The following RAD51B variants were observed in gnomAD, a reference collection of about 807,000 sequenced individuals.
RAD51B encodes RAD51 paralog B, also known as DNA repair protein RAD51 homolog 2.
A neutral mutation model predicts 42.2 loss-of-function variants in RAD51B; 38 were observed. That is an observed-to-expected ratio of 0.90 (90% CI 0.70 to 1.18). RAD51B has a LOEUF of 1.18. Among genes scored for constraint, RAD51B ranks in the 50% most tolerant of loss-of-function variants. The pLI, the probability that RAD51B is intolerant of heterozygous loss-of-function variation, is 0.00. For missense variants in RAD51B, 373 were observed against 400.7 expected (o/e 0.93, Z 0.59); for synonymous variants, 154 against 145.2 (o/e 1.06, Z -0.43).
At chr14:68,598,736 G>C (rs1043962858), downstream of RAD51B, among the ~76,000 whole-genome samples, 53 of 152,344 alleles carry the variant, frequency 3.5e-4, no homozygotes, top group Admixed American at 3.1e-3. Context: ...TCCAGAAGAC[G>C]GAGGCGGGGA....
At chr14:68,056,009 G>A (rs1409311749) in intron 7 of RAD51B, among the ~76,000 whole-genome samples, 1 of 152,050 alleles carries the variant, frequency 6.6e-6, no homozygotes, top group South Asian at 2.1e-4. Flanking sequence ...CTTTTTTAGT[G>A]CCCTTGAAAT....
chr14:68,630,224 A>G (rs1177884140), intron 10 of RAD51B, among the ~76,000 whole-genome samples: 1 of 152,184 alleles, frequency 6.6e-6, no homozygotes, highest in East Asian at 1.9e-4. Context: ...CTGGGTTGCT[A>G]AGTGGCAGAG....
intron 7 of RAD51B, among the ~76,000 whole-genome samples, chr14:67,988,748 G>A (rs1345944338): frequency 6.6e-6 from 1 of 152,172 alleles, no homozygotes; most frequent in East Asian, 1.9e-4. Flanking sequence ...TGGCCCTGCA[G>A]TATTAAAAGT....
At chr14:68,197,536 T>G (rs977761328) in intron 7 of RAD51B, among the ~76,000 whole-genome samples, 3 of 152,168 alleles carry the variant, frequency 2.0e-5, no homozygotes, top group African/African-American at 7.2e-5. Flanking sequence ...GGTCAGAGGA[T>G]AGACGAATGT....
At chr14:68,594,647 T>C in exon 11 of RAD51B, 2 of 1,280,228 alleles carry the variant, frequency 1.6e-6, no homozygotes, top group Non-Finnish European at 1.0e-6. Flanking sequence ...CAAGCTGATC[T>C]CAAACTCCTG....
chr14:67,944,991 C>T (rs1002844719), intron 7 of RAD51B, among the ~76,000 whole-genome samples: 1 of 152,152 alleles, frequency 6.6e-6, no homozygotes, highest in African/African-American at 2.4e-5. Context: ...AAGAATCATA[C>T]CTACCTTGAA....
intron 10 of RAD51B, among the ~76,000 whole-genome samples, chr14:68,538,663 A>G (rs1186769735): frequency 6.6e-6 from 1 of 150,772 alleles, no homozygotes; most frequent in Non-Finnish European, 1.5e-5. Flanking sequence ...ATCTTGAATT[A>G]GTTTCTAACA....
intron 7 of RAD51B, among the ~76,000 whole-genome samples, chr14:68,220,148 T>C (rs1440737453): frequency 1.3e-5 from 2 of 152,122 alleles, no homozygotes; most frequent in South Asian, 2.1e-4. Context: ...AAAAGAATTT[T>C]TAAAACTGAA....
chr14:67,962,840 A>G (rs956804793), intron 7 of RAD51B, among the ~76,000 whole-genome samples: 3 of 152,208 alleles, frequency 2.0e-5, no homozygotes, highest in African/African-American at 7.2e-5. Flanking sequence ...ACATCATGGC[A>G]AAGTAAAACA....
At chr14:68,176,555 CATG>C (rs1486165292) in intron 7 of RAD51B, among the ~76,000 whole-genome samples, 13 of 152,166 alleles carry the variant, frequency 8.5e-5, no homozygotes, top group African/African-American at 3.1e-4. Flanking sequence ...AAATGAGGAT[CATG>C]ATGTCTGTCA....
chr14:68,098,583 T>G (rs1309115847), intron 7 of RAD51B, among the ~76,000 whole-genome samples: 1 of 152,092 alleles, frequency 6.6e-6, no homozygotes, highest in East Asian at 1.9e-4. Flanking sequence ...GATGCAAAAG[T>G]GGAAACCCCT....
At chr14:68,414,843 A>AT (rs934597113) in intron 9 of RAD51B, among the ~76,000 whole-genome samples, 1 of 139,600 alleles carries the variant, frequency 7.2e-6, no homozygotes, top group Non-Finnish European at 1.5e-5. Flanking sequence ...CCAACATGGT[A>AT]AAACCCCATC....
intron 7 of RAD51B, among the ~76,000 whole-genome samples, chr14:68,057,624 T>C (rs1267427282): frequency 2.6e-5 from 4 of 152,150 alleles, no homozygotes; most frequent in African/African-American, 9.6e-5. Context: ...GTTCATTTAA[T>C]ACAAAAATGC....
At chr14:67,889,705 C>T (rs938327157) in intron 7 of RAD51B, among the ~76,000 whole-genome samples, 45 of 151,688 alleles carry the variant, frequency 3.0e-4, no homozygotes, top group African/African-American at 2.9e-4. Flanking sequence ...CTTTTTTCTA[C>T]GTTAGTCCCT....
intron 11 of RAD51B, among the ~76,000 whole-genome samples, chr14:68,680,250 G>A (rs938033865): frequency 1.3e-5 from 2 of 152,120 alleles, no homozygotes; most frequent in African/African-American, 4.8e-5. Context: ...AATTTCTGTG[G>A]TGTAAATATT....
At chr14:68,331,367 C>CAAAAAAAAAAAAAA (rs778136542) in intron 8 of RAD51B, among the ~76,000 whole-genome samples, 443 of 32,852 alleles carry the variant, frequency 0.013, 80 homozygotes, top group Non-Finnish European at 0.019. Context: ...GACTCTGTCT[C>CAAAAAAAAAAAAAA]AAAAAAAAAA....
chr14:68,564,840 G>A (rs2140027392), intron 10 of RAD51B, among the ~76,000 whole-genome samples: 1 of 152,320 alleles, frequency 6.6e-6, no homozygotes, highest in South Asian at 2.1e-4. Flanking sequence ...CTCAACAAGT[G>A]CCAGTGGCCT....
Position 68,542,907 on chromosome 14 carries a change from A to G in RAD51B, c.1037-51578A>G, listed in dbSNP as rs974359021. 1.3e-5 allele frequency among the ~76,000 whole-genome samples: 2 copies of G among 152,138 alleles called. 1 individual carries two copies. The highest frequency in any genetic ancestry group is 3.8e-4 in the East Asian group (2 of 5,200). ...TTGTTCCCTGTCTTATACCAAGGAGACATCCCATTGCTTTTTAAACATGAA... is the reference window on the plus strand; with the variant it reads ...TTGTTCCCTGTCTTATACCAAGGAGGCATCCCATTGCTTTTTAAACATGAA... On this transcript the variant is annotated intron_variant, in intron 10 of 10. Coordinates refer to the RAD51B transcript ENST00000487270.
At chr14:67,943,673 G>C (rs2045284378) in intron 7 of RAD51B, among the ~76,000 whole-genome samples, 1 of 152,092 alleles carries the variant, frequency 6.6e-6, no homozygotes, top group Non-Finnish European at 1.5e-5. Flanking sequence ...TTTGCATGGT[G>C]GCATATTGAT....
Sources: gnomAD v4.1 joint callset for allele counts (sites outside exome capture counted in the v4.1 genomes callset) on GRCh38, gnomAD v4.1.1 for gene constraint, MANE v1.5 for transcripts, NCBI Gene and HGNC (gene_info 2026-07-23, HGNC 2026-07-21) for gene names.